The following SBF2 variants were observed in gnomAD, a reference collection of about 807,000 sequenced individuals.
SBF2 encodes the protein SET binding factor 2.
A neutral mutation model predicts 225.2 loss-of-function variants in SBF2; 112 were observed. The observed-to-expected ratio is 0.50, with a 90% CI of 0.43 to 0.58. The LOEUF (loss-of-function observed/expected upper bound fraction) is 0.58, where lower values mean the gene tolerates loss of function less well. Ranked by LOEUF, SBF2 falls within the 20% of genes least tolerant of loss-of-function variation. The pLI, the probability that SBF2 is intolerant of heterozygous loss-of-function variation, is 0.00. For missense variants in SBF2, 1,996 were observed against 2,206.2 expected (o/e 0.90, Z 1.91); for synonymous variants, 763 against 773.3 (o/e 0.99, Z 0.22).
chr11:10,290,916 A>C (rs569317134), intron 1 of SBF2, among the ~76,000 whole-genome samples: 2 of 152,312 alleles, frequency 1.3e-5, no homozygotes, highest in African/African-American at 4.8e-5. Context: ...CTTAGCTTCT[A>C]AATGTCATTC....
chr11:9,815,282 A>G (rs964315584), intron 29 of SBF2, among the ~76,000 whole-genome samples: 1 of 36,372 alleles, frequency 2.7e-5, no homozygotes, highest in Non-Finnish European at 1.2e-4. Flanking sequence ...TACTAAAACT[A>G]AAAAAAAAAA....
intron 32 of SBF2, among the ~76,000 whole-genome samples, chr11:9,796,792 A>C (rs1404425762): frequency 2.6e-5 from 4 of 152,192 alleles, no homozygotes; most frequent in Non-Finnish European, 4.4e-5. Context: ...TTTCATCAGT[A>C]AATTAGGCAG....
chr11:10,138,799 A>G (rs1381888862), intron 2 of SBF2, among the ~76,000 whole-genome samples: 2 of 152,062 alleles, frequency 1.3e-5, no homozygotes, highest in African/African-American at 2.4e-5. Context: ...AACATACTCT[A>G]TATGTTTCAA....
intron 6 of SBF2, among the ~76,000 whole-genome samples, chr11:10,008,880 C>G (rs77393571): frequency 0.082 from 12,485 of 152,270 alleles, 683 homozygotes; most frequent in East Asian, 0.28. Flanking sequence ...CTGGAGCAGC[C>G]TTCTCAATGC....
In SBF2 at chr11:9,779,359, C is replaced by T. The variant is rs1435120357; in HGVS notation, c.*1059G>A. The T allele has an allele frequency of 1.3e-5, 2 of 152,594 alleles. No homozygotes were observed. Among genetic ancestry groups the T allele is most frequent in the Admixed American group, 6.5e-5 (1 of 15,276 alleles). The allele number at this position is 152,594 out of a possible 1,614,324, so 9.5% of individuals were successfully genotyped here. ...CGCCAGCTGGTGTCAGTGGTTGTAG[C>T]GAAGATGCTGTTTCTGTTTACCATG... On this transcript the variant is annotated 3_prime_UTR_variant, in exon 40 of 40. Coordinates refer to ENST00000256190, the MANE Select transcript of SBF2 (RefSeq NM_030962.4).
At chr11:9,985,942 T>C (rs1947180495) in intron 13 of SBF2, among the ~76,000 whole-genome samples, 1 of 152,252 alleles carries the variant, frequency 6.6e-6, no homozygotes, top group South Asian at 2.1e-4. Context: ...ACTTAATGGA[T>C]ATATACAGAA....
At chr11:10,169,122 C>T (rs1159313954) in intron 2 of SBF2, among the ~76,000 whole-genome samples, 1 of 152,018 alleles carries the variant, frequency 6.6e-6, no homozygotes, top group Non-Finnish European at 1.5e-5. Flanking sequence ...GCATATAATG[C>T]ATAATAATCA....
intron 1 of SBF2, among the ~76,000 whole-genome samples, chr11:10,301,003 G>T (rs1964594577): frequency 6.6e-6 from 1 of 152,020 alleles, no homozygotes; most frequent in South Asian, 2.1e-4. Flanking sequence ...GCTTCAGGGA[G>T]GTTTGCCTTC....
intron 1 of SBF2, among the ~76,000 whole-genome samples, chr11:10,270,632 A>G (rs1250570823): frequency 6.6e-6 from 1 of 152,232 alleles, no homozygotes; most frequent in Non-Finnish European, 1.5e-5. Context: ...AAAGCTTCCA[A>G]TAACATGCAG....
chr11:10,032,219 T>C (rs1350083909), intron 3 of SBF2, among the ~76,000 whole-genome samples: 2 of 152,192 alleles, frequency 1.3e-5, no homozygotes, highest in East Asian at 1.9e-4. Context: ...TGACAAAATA[T>C]GATTCTCCCG....
At chr11:9,919,796 C>G (rs1211454866) in intron 16 of SBF2, among the ~76,000 whole-genome samples, 2 of 151,976 alleles carry the variant, frequency 1.3e-5, no homozygotes, top group Non-Finnish European at 2.9e-5. Flanking sequence ...TGGTCTCCTC[C>G]CTTAGGCTCA....
At position 10,103,279 on chromosome 11, in the gene SBF2, T is replaced by C. The variant is rs1161555591; in HGVS notation, c.142-60298A>G. On this transcript the variant is annotated intron_variant, in intron 2 of 39. Transcript: ENST00000256190. ...TTATGAAGTATGCATTTTTCTGACC[T>C]AATTAATCTTTTAGATATTATGTCC... 2.0e-5 allele frequency among the ~76,000 whole-genome samples: 3 copies of C among 152,356 alleles called. No homozygotes were observed. The East Asian group carries it at 5.8e-4, about 29-fold the overall frequency.
intron 18 of SBF2, among the ~76,000 whole-genome samples, chr11:9,857,898 T>C (rs1857435115): frequency 6.6e-6 from 1 of 152,196 alleles, no homozygotes; most frequent in Non-Finnish European, 1.5e-5. Flanking sequence ...AATTTGACAT[T>C]CCTCCAGGGA....
chr11:9,939,894 C>T (rs1229814689), intron 16 of SBF2, among the ~76,000 whole-genome samples: 1 of 152,154 alleles, frequency 6.6e-6, no homozygotes, highest in Non-Finnish European at 1.5e-5. Flanking sequence ...TGGAGTAAGT[C>T]ATCCTAGGTG....
At chr11:10,223,617 A>C (rs1958433115) in intron 1 of SBF2, among the ~76,000 whole-genome samples, 1 of 151,756 alleles carries the variant, frequency 6.6e-6, no homozygotes, top group Non-Finnish European at 1.5e-5. Context: ...ACTTCAATCT[A>C]CACTACATAT....
chr11:10,171,449 G>A (rs1016824865), intron 2 of SBF2, among the ~76,000 whole-genome samples: 1 of 152,186 alleles, frequency 6.6e-6, no homozygotes, highest in African/African-American at 2.4e-5. Flanking sequence ...TGATTGGTGT[G>A]TGTGTCTTGA....
chr11:9,852,180 T>G (rs900727800), intron 21 of SBF2, among the ~76,000 whole-genome samples: 7 of 152,224 alleles, frequency 4.6e-5, no homozygotes, highest in African/African-American at 1.7e-4. Context: ...AGAGCCTTGT[T>G]AAAATACAGA....
At chr11:10,035,869 T>C (rs73410830) in intron 3 of SBF2, among the ~76,000 whole-genome samples, 1,636 of 152,294 alleles carry the variant, frequency 0.011, 32 homozygotes, top group African/African-American at 0.037. Context: ...CTTGAGGATC[T>C]AGAACTAGAA....
chr11:10,096,424 T>TTAAA (rs747744995), intron 2 of SBF2, among the ~76,000 whole-genome samples: 1,916 of 126,042 alleles, frequency 0.015, 26 homozygotes, highest in Non-Finnish European at 0.024. Context: ...CAAAGTTCTG[T>TTAAA]AAAAAAAAAA....
Sources: gnomAD v4.1 joint callset for allele counts (sites outside exome capture counted in the v4.1 genomes callset) on GRCh38, gnomAD v4.1.1 for gene constraint, MANE v1.5 for transcripts, NCBI Gene and HGNC (gene_info 2026-07-23, HGNC 2026-07-21) for gene names.